Variants in RBFOX3 observed in about 807,000 individuals in gnomAD.
The protein encoded by RBFOX3 is RNA binding fox-1 homolog 3, also known as RNA binding protein fox-1 homolog 3.
Under a neutral mutation model 48.7 loss-of-function variants are expected in RBFOX3, and 17 were observed. The observed-to-expected ratio is 0.35, with a 90% CI of 0.24 to 0.52. The LOEUF is 0.52. Ranked by LOEUF, RBFOX3 falls within the 20% of genes least tolerant of loss-of-function variation. RBFOX3 has a pLI of 0.94. For synonymous variants in RBFOX3, 212 were observed against 209.5 expected, an observed-to-expected ratio of 1.01 and a Z score of -0.10; for missense variants, 382 against 497.5, an observed-to-expected ratio of 0.77 and a Z score of 2.21.
intron 4 of RBFOX3, among the ~76,000 whole-genome samples, chr17:79,142,215 T>G (rs2019965): frequency 6.6e-6 from 1 of 151,818 alleles, no homozygotes; most frequent in Non-Finnish European, 1.5e-5. Context: ...CTGTGTGCCT[T>G]GTCTGTAATT....
intron 4 of RBFOX3, among the ~76,000 whole-genome samples, chr17:79,185,389 C>T (rs2053194291): frequency 6.6e-6 from 1 of 152,208 alleles, no homozygotes; most frequent in South Asian, 2.1e-4. Context: ...AAGGGCCGGG[C>T]ATGCCTGGGC....
At chr17:79,565,138 T>C (rs2092407198) in intron 1 of RBFOX3, among the ~76,000 whole-genome samples, 3 of 106,210 alleles carry the variant, frequency 2.8e-5, no homozygotes, top group African/African-American at 8.1e-5. Context: ...TTTTAAAATA[T>C]GTATTTTTTT....
intron 2 of RBFOX3, among the ~76,000 whole-genome samples, chr17:79,459,151 G>T (rs984453218): frequency 3.3e-5 from 5 of 152,100 alleles, no homozygotes; most frequent in Non-Finnish European, 7.4e-5. Flanking sequence ...GAGTCCCCAG[G>T]TCCCTCTTCT....
In RBFOX3 at chr17:79,205,817, T is replaced by C. The variant is rs1311187671; in HGVS notation, c.-34+29949A>G. Among the ~76,000 whole-genome samples, 2 of 146,810 alleles carry C rather than the reference T, an allele frequency of 1.4e-5. No homozygotes were observed. Among genetic ancestry groups the C allele is most frequent in the African/African-American group, 5.0e-5 (2 of 40,216 alleles). Reference sequence around the variant, plus strand: ...AAATGTATTTTCCAGTCCATGTCCATAAAGAGTCAAAAGCAGTTGGCTTTT... The same window carrying C: ...AAATGTATTTTCCAGTCCATGTCCACAAAGAGTCAAAAGCAGTTGGCTTTT... On this transcript the variant is annotated intron_variant, in intron 4 of 14. Transcript: ENST00000693108. The surrounding 1 kb of genome is among the most constrained non-coding windows in gnomAD (Gnocchi z 4.5).
intron 2 of RBFOX3, among the ~76,000 whole-genome samples, chr17:79,369,590 C>T (rs2058251773): frequency 6.6e-6 from 1 of 152,126 alleles, no homozygotes. Flanking sequence ...GTTGGTGTTG[C>T]TCTGGTTAGC....
rs1054328226 is a variant in RBFOX3, at chr17:79,257,838, C to G, written c.-73-22033G>C. Among the ~76,000 whole-genome samples, 7 of 152,292 alleles carry G rather than the reference C, an allele frequency of 4.6e-5. 2 individuals are homozygous for G. Among genetic ancestry groups the G allele is most frequent in the Admixed American group, 4.6e-4 (7 of 15,300 alleles). On this transcript the variant is annotated intron_variant, in intron 3 of 14. Transcript: ENST00000693108. Reference sequence around the variant, plus strand: ...TCAGGCAATACACTCGCCTCAGCCTCCCAAAGTGCTGGGATTACAGGTGTG... The same window carrying G: ...TCAGGCAATACACTCGCCTCAGCCTGCCAAAGTGCTGGGATTACAGGTGTG...
intron 3 of RBFOX3, among the ~76,000 whole-genome samples, chr17:79,261,373 C>T (rs996215882): frequency 5.3e-5 from 8 of 152,346 alleles, no homozygotes; most frequent in African/African-American, 1.7e-4. Context: ...CTTTCTTTTT[C>T]CTTTCCTTTT....
chr17:79,379,292 G>T (rs1425076088), intron 2 of RBFOX3, among the ~76,000 whole-genome samples: 1 of 152,114 alleles, frequency 6.6e-6, no homozygotes, highest in African/African-American at 2.4e-5. Context: ...CAGAATTCCC[G>T]ACTCCTTGCC....
chr17:79,494,934 C>T (rs2081218976), intron 1 of RBFOX3, among the ~76,000 whole-genome samples: 1 of 152,204 alleles, frequency 6.6e-6, no homozygotes, highest in Non-Finnish European at 1.5e-5. Context: ...TTCATCTGAA[C>T]AGGGAGCTGG....
At chr17:79,109,156 A>C (rs550087203) in intron 5 of RBFOX3, among the ~76,000 whole-genome samples, 2 of 152,114 alleles carry the variant, frequency 1.3e-5, no homozygotes, top group South Asian at 4.2e-4. Flanking sequence ...TCAGGACCCC[A>C]AGAGGTGGAA....
At chr17:79,640,289 T>C in the RBFOX3 span, among the ~76,000 whole-genome samples, 2 of 152,128 alleles carry the variant, frequency 1.3e-5, no homozygotes, top group South Asian at 2.1e-4. Flanking sequence ...AAAACACTGA[T>C]GCAGGAAATT....
At chr17:79,314,531 G>A (rs1265348809) in intron 2 of RBFOX3, among the ~76,000 whole-genome samples, 2 of 152,120 alleles carry the variant, frequency 1.3e-5, no homozygotes, top group Non-Finnish European at 2.9e-5. Context: ...ACTCTCACTC[G>A]GCATTCTCTG....
chr17:79,342,103 A>T (rs1210567722), intron 2 of RBFOX3, among the ~76,000 whole-genome samples: 2 of 152,132 alleles, frequency 1.3e-5, no homozygotes, highest in African/African-American at 4.8e-5. Flanking sequence ...TGCTTCCCTC[A>T]CCTCGTGGTG....
chr17:79,496,294 C>T (rs2081529959), intron 1 of RBFOX3, among the ~76,000 whole-genome samples: 4 of 152,100 alleles, frequency 2.6e-5, no homozygotes, highest in East Asian at 1.9e-4. Context: ...CTCCTAAAGG[C>T]CCCCCACCTG....
intron 4 of RBFOX3, among the ~76,000 whole-genome samples, chr17:79,150,904 G>A (rs1203740273): frequency 6.6e-6 from 1 of 152,190 alleles, no homozygotes; most frequent in Admixed American, 6.5e-5. Context: ...CATGCCTAGC[G>A]CCGCCTGCGA....
At chr17:79,247,472 T>C (rs1180469452) in intron 3 of RBFOX3, among the ~76,000 whole-genome samples, 3 of 151,964 alleles carry the variant, frequency 2.0e-5, no homozygotes, top group African/African-American at 7.3e-5. Context: ...ACACCAAGCC[T>C]GGGTAATTTT....
chr17:79,262,697 G>A (rs7216220), intron 3 of RBFOX3, among the ~76,000 whole-genome samples: 54,163 of 152,090 alleles, frequency 0.36, 9,874 homozygotes, highest in Middle Eastern at 0.53. Flanking sequence ...CGGATCTGTG[G>A]CTGCCCCGTG....
At chr17:79,595,146 C>T (rs1046860279) in intron 1 of RBFOX3, among the ~76,000 whole-genome samples, 26 of 151,850 alleles carry the variant, frequency 1.7e-4, no homozygotes, top group Admixed American at 5.9e-4. Context: ...GGAGAGCCAT[C>T]GGTATTGAGA....
chr17:79,284,784 C>T (rs990796767), intron 3 of RBFOX3, among the ~76,000 whole-genome samples: 19 of 152,242 alleles, frequency 1.2e-4, no homozygotes, highest in African/African-American at 4.6e-4. Context: ...AGGTGATCCA[C>T]CCACCTCGGC....
Sources: allele counts gnomAD v4.1 joint callset (sites outside exome capture counted in the v4.1 genomes callset), GRCh38; gene constraint gnomAD v4.1.1; non-coding constraint Gnocchi (gnomAD v3.1); transcripts MANE v1.5; gene names NCBI Gene and HGNC (gene_info 2026-07-23, HGNC 2026-07-21).